The following NPFFR2 variants were observed in gnomAD, a reference collection of about 807,000 sequenced individuals.
The protein encoded by NPFFR2 is G-protein coupled receptor 74.
Under a neutral mutation model 13.1 loss-of-function variants are expected in NPFFR2, and 15 were observed. That is an observed-to-expected ratio of 1.15 (90% CI 0.77 to 1.76). The LOEUF is 1.76. Among genes scored for constraint, NPFFR2 ranks in the 40% most tolerant of loss-of-function variants. The probability of loss-of-function intolerance (pLI) is 0.00; values close to 1 mark genes in which losing one functional copy is unlikely to be tolerated. For missense variants in NPFFR2, 572 were observed against 503.5 expected (o/e 1.14, Z -1.30); for synonymous variants, 190 against 175.7 (o/e 1.08, Z -0.65).
At chr4:72,087,591 C>G (rs879746003) in intron 1 of NPFFR2, among the ~76,000 whole-genome samples, 25 of 151,772 alleles carry the variant, frequency 1.6e-4, no homozygotes, top group Non-Finnish European at 2.7e-4. Context: ...ATGAGAGCCC[C>G]TGTATAGGAT....
intron 1 of NPFFR2, among the ~76,000 whole-genome samples, chr4:72,053,146 A>G (rs1322167438): frequency 2.0e-5 from 3 of 151,900 alleles, no homozygotes; most frequent in East Asian, 3.9e-4. Flanking sequence ...TTGGCTCAGA[A>G]TAAGTCTCTT....
rs1409823831 is a variant in NPFFR2 at position 72,094,092 on chromosome 4, T to C, written c.-7-34493T>C. On this transcript the variant is annotated intron_variant, in intron 1 of 3. Transcript: ENST00000308744. ...TTTCTGAGAGCCAAACTGCAGTGAT[T>C]GTTATTTCTTTTCTGGATCTAGCCA... is the stretch of plus-strand genomic sequence containing the variant. Among the ~76,000 whole-genome samples, 12 of 152,138 alleles carry C rather than the reference T, an allele frequency of 7.9e-5. No homozygotes were observed. The East Asian group carries it at 2.1e-3, about 27-fold the overall frequency.
At chr4:72,145,070 AATTTTAGTAATTATTATACAGTTTT>A (rs1722734027) in intron 3 of NPFFR2, among the ~76,000 whole-genome samples, 1 of 152,068 alleles carries the variant, frequency 6.6e-6, no homozygotes, top group South Asian at 2.1e-4. Context: ...TTTTTAGCAG[AATTTTAGTAATTATTATACAGTTTT>A]TAATATTTTT....
At chr4:72,092,819 A>C (rs1229714323) in intron 1 of NPFFR2, among the ~76,000 whole-genome samples, 1 of 152,126 alleles carries the variant, frequency 6.6e-6, no homozygotes, top group African/African-American at 2.4e-5. Context: ...CAAGTGGAAT[A>C]TTTAGGCCAT....
At position 72,147,287 on chromosome 4, in the gene NPFFR2, C is replaced by A; in HGVS notation, c.738C>A (p.Leu246=). Residue 246 remains leucine (L), a synonymous_variant, in exon 4 of 4, where the codon CTC becomes CTA. Transcript: ENST00000308744. ...TGTATGGAAGGATTGGAATTTCACT[C>A]TTCAGGGCTGCAGTTCCTCACACAG... The part of the protein sequence containing the change: ...VIMYGRIGIS[L]FRAAVPHTGR... 1 of 1,614,128 alleles carries A rather than the reference C, an allele frequency of 6.2e-7. No homozygotes were observed. The highest frequency in any genetic ancestry group is 8.5e-7 in the Non-Finnish European group (1 of 1,180,018).
At chr4:72,137,366 C>T (rs1722450918) in intron 2 of NPFFR2, among the ~76,000 whole-genome samples, 1 of 152,066 alleles carries the variant, frequency 6.6e-6, no homozygotes, top group Admixed American at 6.6e-5. Flanking sequence ...TTTAGAATAG[C>T]AAACTACTAC....
chr4:72,138,831 C>G (rs1035886114), intron 3 of NPFFR2, among the ~76,000 whole-genome samples: 2 of 152,022 alleles, frequency 1.3e-5, no homozygotes, highest in Non-Finnish European at 2.9e-5. Context: ...CTTGAGGAAT[C>G]GTCACACTGT....
At chr4:72,094,578 C>T (rs1422006280) in intron 1 of NPFFR2, among the ~76,000 whole-genome samples, 1 of 152,160 alleles carries the variant, frequency 6.6e-6, no homozygotes, top group Non-Finnish European at 1.5e-5. Flanking sequence ...CCTCTGCTGC[C>T]TCACACAGGT....
chr4:72,032,331 C>A, intron 1 of NPFFR2, 131 bp downstream of exon 1: 1 of 1,046,170 alleles, frequency 9.6e-7, no homozygotes, highest in Non-Finnish European at 1.4e-6. Flanking sequence ...AAATCCCTTC[C>A]TAATTACACA....
intron 1 of NPFFR2, among the ~76,000 whole-genome samples, chr4:72,109,548 C>T (rs188472911): frequency 9.8e-4 from 149 of 152,084 alleles, no homozygotes; most frequent in Non-Finnish European, 1.8e-3. Flanking sequence ...GGCCTGAGAA[C>T]CCAGTGCCTG....
At chr4:72,048,075 T>TACAC (rs1055946361) in intron 1 of NPFFR2, among the ~76,000 whole-genome samples, 13 of 152,012 alleles carry the variant, frequency 8.6e-5, no homozygotes, top group African/African-American at 2.7e-4. Flanking sequence ...ACACGTATAT[T>TACAC]ACACACACAC....
At chr4:72,077,755 T>C (rs1026509030) in intron 1 of NPFFR2, among the ~76,000 whole-genome samples, 2 of 152,178 alleles carry the variant, frequency 1.3e-5, no homozygotes, top group African/African-American at 4.8e-5. Flanking sequence ...TTCTTGGGGC[T>C]TTAATTTTCA....
intron 1 of NPFFR2, among the ~76,000 whole-genome samples, chr4:72,088,047 A>C (rs1720815686): frequency 6.6e-6 from 1 of 152,094 alleles, no homozygotes; most frequent in South Asian, 2.1e-4. Context: ...AAGAGAGACC[A>C]AATACCTCTT....
intron 1 of NPFFR2, among the ~76,000 whole-genome samples, chr4:72,083,291 A>G (rs1232983809): frequency 6.6e-6 from 1 of 152,134 alleles, no homozygotes; most frequent in African/African-American, 2.4e-5. Flanking sequence ...TGGTTGTATT[A>G]ATTTATATTT....
At chr4:72,072,662 C>T (rs1488018492) in intron 1 of NPFFR2, among the ~76,000 whole-genome samples, 1 of 152,030 alleles carries the variant, frequency 6.6e-6, no homozygotes, top group Non-Finnish European at 1.5e-5. Flanking sequence ...TTGAAGAAAT[C>T]ATGGCTGAAA....
chr4:72,146,792 ATTAAAAT>A (rs754510857), intron 3 of NPFFR2, among the ~76,000 whole-genome samples, 179 bp from the exon 4 acceptor site: 1 of 152,174 alleles, frequency 6.6e-6, no homozygotes, highest in Non-Finnish European at 1.5e-5. Context: ...CAAATTTTGA[ATTAAAAT>A]TTATCTCATA....
In NPFFR2 at chr4:72,074,461, A is replaced by G. The variant is rs145935258; in HGVS notation, c.-8+42261A>G. 2.3e-3 allele frequency among the ~76,000 whole-genome samples: 348 copies of G among 152,138 alleles called. 4 individuals are homozygous for G. Among genetic ancestry groups the G allele is most frequent in the African/African-American group, 7.9e-3 (329 of 41,528 alleles). ...GCTATAATTGCTCCATTTTATTACT[A>G]CTGTATTTTTGTTAATCTCTTTCTG... On this transcript the variant is annotated intron_variant, in intron 1 of 3. Transcript: ENST00000308744.
At chr4:72,113,626 G>A (rs745592905) in intron 1 of NPFFR2, among the ~76,000 whole-genome samples, 5 of 152,098 alleles carry the variant, frequency 3.3e-5, no homozygotes, top group Non-Finnish European at 5.9e-5. Context: ...CTGCCAATCT[G>A]TGCTAACACA....
intron 3 of NPFFR2, among the ~76,000 whole-genome samples, chr4:72,138,427 G>A (rs774639633): frequency 7.7e-6 from 1 of 130,248 alleles, no homozygotes; most frequent in East Asian, 2.2e-4. Context: ...CCCACCCAAT[G>A]CAGGCCCCAG....
Sources: gnomAD v4.1 joint callset for allele counts (sites outside exome capture counted in the v4.1 genomes callset) on GRCh38, gnomAD v4.1.1 for gene constraint, MANE v1.5 for transcripts, NCBI Gene and HGNC (gene_info 2026-07-23, HGNC 2026-07-21) for gene names.